Variants in RAB27A observed in about 807,000 individuals in gnomAD.
RAB27A encodes the protein ras-related protein Rab-27A.
Under a neutral mutation model 20.8 loss-of-function variants are expected in RAB27A, and 17 were observed. The ratio of observed to expected loss-of-function variants is 0.82; its 90% confidence interval spans 0.56 to 1.23. RAB27A has a LOEUF of 1.23. RAB27A is among the 50% of genes most tolerant of loss of function. The pLI is 0.00. For synonymous variants in RAB27A, 85 were observed against 92.8 expected, an observed-to-expected ratio of 0.92 and a Z score of 0.48; for missense variants, 277 against 266.7, an observed-to-expected ratio of 1.04 and a Z score of -0.27.
intron 3 of RAB27A, among the ~76,000 whole-genome samples, chr15:55,233,501 A>C (rs1896129132): frequency 6.6e-6 from 1 of 152,352 alleles, no homozygotes; most frequent in Admixed American, 6.5e-5. Context: ...TAGCTATAAT[A>C]AGTAATGAAG....
At chr15:55,228,374 G>T (rs1199015553) in intron 5 of RAB27A, among the ~76,000 whole-genome samples, 1 of 152,200 alleles carries the variant, frequency 6.6e-6, no homozygotes, top group Non-Finnish European at 1.5e-5. Flanking sequence ...CACACATAAA[G>T]TGCTGCCTTG....
intron 2 of RAB27A, among the ~76,000 whole-genome samples, chr15:55,304,562 T>C (rs2141143946): frequency 6.6e-6 from 1 of 152,352 alleles, no homozygotes; most frequent in Admixed American, 6.5e-5. Flanking sequence ...ATCTACTTTC[T>C]GTCTCTAGAC....
At chr15:55,236,992 C>T (rs1277036647) in intron 2 of RAB27A, among the ~76,000 whole-genome samples, 3 of 152,058 alleles carry the variant, frequency 2.0e-5, no homozygotes, top group African/African-American at 7.2e-5. Context: ...AACCTCTCTC[C>T]GTTTCCCCCG....
upstream of RAB27A, among the ~76,000 whole-genome samples, chr15:55,292,462 G>C (rs2054927347): frequency 6.6e-6 from 1 of 152,236 alleles, no homozygotes; most frequent in Non-Finnish European, 1.5e-5. Context: ...AGGGATAATA[G>C]CGATCTGATT....
Position 55,234,768 on chromosome 15 carries a change from G to A in RAB27A, c.153+14C>T, listed in dbSNP as rs375882552. The A allele has an allele frequency of 6.2e-7, 1 of 1,601,156 alleles. No homozygotes were observed. The highest frequency in any genetic ancestry group is 8.6e-7 in the Non-Finnish European group (1 of 1,168,878). On this transcript the variant is annotated intron_variant, in intron 3 of 6. Transcript: ENST00000336787. The stretch of plus-strand genomic sequence containing the variant: ...TAACGATTACATTTTTACATAGAAG[G>A]ATATAGAACTTACCACTCTTTTTTC...
At chr15:55,208,862 C>A (rs1053844491) in intron 6 of RAB27A, among the ~76,000 whole-genome samples, 1 of 152,122 alleles carries the variant, frequency 6.6e-6, no homozygotes, top group African/African-American at 2.4e-5. Flanking sequence ...AATTGAGATT[C>A]TATAAATAAA....
intron 2 of RAB27A, among the ~76,000 whole-genome samples, chr15:55,247,060 C>T (rs890594867): frequency 6.6e-6 from 1 of 152,142 alleles, no homozygotes; most frequent in Non-Finnish European, 1.5e-5. Flanking sequence ...GAGCACTGAT[C>T]CTGGGGCTTT....
At chr15:55,264,944 G>A (rs1280119233) in intron 2 of RAB27A, among the ~76,000 whole-genome samples, 1 of 152,128 alleles carries the variant, frequency 6.6e-6, no homozygotes, top group African/African-American at 2.4e-5. Context: ...GAAAATGCAT[G>A]GAAACAAGAA....
chr15:55,217,381 G>T (rs190814992), intron 6 of RAB27A, among the ~76,000 whole-genome samples: 116 of 152,128 alleles, frequency 7.6e-4, no homozygotes, highest in East Asian at 3.3e-3. Flanking sequence ...GATGTTCCAG[G>T]CTGGAGGCGG....
chr15:55,228,855 A>C, intron 4 of RAB27A, 143 bp from the exon 5 acceptor site: 1 of 702,562 alleles, frequency 1.4e-6, no homozygotes, highest in South Asian at 1.5e-5. Flanking sequence ...TAGGATAGTT[A>C]TTTATCACTT....
intron 1 of RAB27A, among the ~76,000 whole-genome samples, chr15:55,283,440 C>T: frequency 6.6e-6 from 1 of 152,162 alleles, no homozygotes; most frequent in East Asian, 1.9e-4. Flanking sequence ...TGAGCCGCCA[C>T]CTGAGGAAAT....
At chr15:55,240,860 A>G (rs566256809) in intron 2 of RAB27A, among the ~76,000 whole-genome samples, 1 of 152,292 alleles carries the variant, frequency 6.6e-6, no homozygotes, top group African/African-American at 2.4e-5. Flanking sequence ...TGCAATTGCA[A>G]TAGAGATACA....
intron 1 of RAB27A, among the ~76,000 whole-genome samples, chr15:55,286,631 G>A (rs990396208): frequency 6.6e-6 from 1 of 152,144 alleles, no homozygotes; most frequent in Non-Finnish European, 1.5e-5. Context: ...AGCAGAGTCA[G>A]CAAAGGCAAG....
chr15:55,303,774 T>G (rs1595755956), intron 2 of RAB27A, among the ~76,000 whole-genome samples: 1 of 103,726 alleles, frequency 9.6e-6, no homozygotes, highest in Non-Finnish European at 1.9e-5. Context: ...AGCCGCCCCG[T>G]CCGGGAGGGA....
chr15:55,258,356 T>C (rs1284812376), intron 2 of RAB27A, among the ~76,000 whole-genome samples: 1 of 152,158 alleles, frequency 6.6e-6, no homozygotes, highest in African/African-American at 2.4e-5. Flanking sequence ...CTCTAGAAAA[T>C]TGCTTTCCAA....
intron 1 of RAB27A, among the ~76,000 whole-genome samples, chr15:55,279,143 A>C (rs1349313187): frequency 6.6e-6 from 1 of 152,222 alleles, no homozygotes; most frequent in African/African-American, 2.4e-5. Context: ...CAGTAGAGAC[A>C]GCAGAAAGAG....
intron 6 of RAB27A, among the ~76,000 whole-genome samples, chr15:55,221,552 C>T (rs983228478): frequency 2.0e-5 from 3 of 152,136 alleles, no homozygotes; most frequent in African/African-American, 4.8e-5. Context: ...TGGTTCTCAA[C>T]CATTGCACAT....
chr15:55,282,442 C>A (rs1244072036), intron 1 of RAB27A, among the ~76,000 whole-genome samples: 1 of 152,158 alleles, frequency 6.6e-6, no homozygotes, highest in Non-Finnish European at 1.5e-5. Flanking sequence ...GTTTCCTTAT[C>A]TGGGTGGCAA....
chr15:55,271,284 C>T (rs1278346521), intron 1 of RAB27A, among the ~76,000 whole-genome samples: 6 of 152,186 alleles, frequency 3.9e-5, no homozygotes, highest in African/African-American at 9.7e-5. Flanking sequence ...GCCATCAGTA[C>T]GTTTTATAAT....
Sources: allele counts gnomAD v4.1 joint callset (sites outside exome capture counted in the v4.1 genomes callset), GRCh38; gene constraint gnomAD v4.1.1; transcripts MANE v1.5; gene names NCBI Gene and HGNC (gene_info 2026-07-23, HGNC 2026-07-21).